The following VAV3 variants were observed in gnomAD, a reference collection of about 807,000 sequenced individuals.
The protein encoded by VAV3 is guanine nucleotide exchange factor VAV3.
In VAV3, 94 loss-of-function variants were observed where a neutral mutation model predicts 131.2. The observed-to-expected ratio is 0.72, with a 90% CI of 0.61 to 0.85. The LOEUF is 0.85. Ranked by LOEUF, VAV3 falls within the 40% of genes least tolerant of loss-of-function variation. VAV3 has a pLI of 0.00. For synonymous variants in VAV3, 349 were observed against 342.0 expected (o/e 1.02, Z -0.22); for missense variants, 939 against 1,002.7 (o/e 0.94, Z 0.86).
intron 2 of VAV3, among the ~76,000 whole-genome samples, chr1:107,797,048 C>T (rs1315799991): frequency 6.6e-6 from 1 of 152,036 alleles, no homozygotes; most frequent in African/African-American, 2.4e-5. Context: ...CAAATTACTA[C>T]AATATGTAAG....
chr1:107,649,713 T>C (rs1656015082), intron 19 of VAV3, among the ~76,000 whole-genome samples: 1 of 152,126 alleles, frequency 6.6e-6, no homozygotes, highest in African/African-American at 2.4e-5. Context: ...GTAAAAATGA[T>C]TAAGGGCACT....
intron 2 of VAV3, among the ~76,000 whole-genome samples, chr1:107,798,230 C>T (rs1485252724): frequency 6.6e-6 from 1 of 152,108 alleles, no homozygotes; most frequent in African/African-American, 2.4e-5. Flanking sequence ...CTAATTTCAA[C>T]ATCCAAAAGC....
chr1:107,651,531 A>G (rs1656166829), intron 19 of VAV3, among the ~76,000 whole-genome samples: 1 of 145,198 alleles, frequency 6.9e-6, no homozygotes, highest in Non-Finnish European at 1.5e-5. Context: ...GAAGGAAGAA[A>G]CAAAGTAAGG....
chr1:107,793,686 A>G (rs1158707603), intron 2 of VAV3, among the ~76,000 whole-genome samples: 1 of 152,202 alleles, frequency 6.6e-6, no homozygotes, highest in Non-Finnish European at 1.5e-5. Flanking sequence ...CACCAGGCTA[A>G]GGGGTCTAGA....
At chr1:107,616,288 C>T (rs528584435) in intron 21 of VAV3, among the ~76,000 whole-genome samples, 75 of 152,206 alleles carry the variant, frequency 4.9e-4, no homozygotes, top group African/African-American at 1.8e-3. Context: ...CCCTTTGCAG[C>T]AGCATGGGTG....
In VAV3 at chr1:107,749,468, G is replaced by T. The variant is rs762553183; in HGVS notation, c.1386C>A (p.Asn462Lys). 3 of 1,584,406 alleles carry T rather than the reference G, an allele frequency of 1.9e-6. No homozygotes were observed. In the Admixed American group the frequency reaches 6.0e-5, roughly 32 times the overall value. The change falls in exon 14 of 27, where the codon AAC becomes AAA. Residue 462 changes from asparagine (N) to lysine (K), a missense_variant. Physicochemically the swap from Asn to Lys is moderately conservative, Grantham distance 94. Transcript: ENST00000370056. ...IANNPTTDKE[N>K]KKWSYGFYLI... is the part of the protein sequence containing the mutation. ...TTAGTTTCCAAAAAGTCACCTTTTT[G>T]TTTTCTTTATCGGTTGTAGGATTAT...
chr1:107,943,614 C>T (rs1162764310), intron 1 of VAV3, among the ~76,000 whole-genome samples: 2 of 152,154 alleles, frequency 1.3e-5, no homozygotes, highest in Non-Finnish European at 2.9e-5. Context: ...TGGTGGCACA[C>T]ACCTGTAGTC....
intron 1 of VAV3, among the ~76,000 whole-genome samples, chr1:107,946,488 T>C (rs542025174): frequency 7.2e-4 from 110 of 152,330 alleles, no homozygotes; most frequent in Non-Finnish European, 1.3e-3. Context: ...CTCTGCACAC[T>C]ATCTGGCAAT....
At chr1:107,857,913 A>G (rs1669545006) in intron 2 of VAV3, among the ~76,000 whole-genome samples, 1 of 152,220 alleles carries the variant, frequency 6.6e-6, no homozygotes, top group South Asian at 2.1e-4. Flanking sequence ...TTTTCATTAA[A>G]AAGAGGATAC....
At chr1:107,638,107 T>C (rs1455856341) in intron 20 of VAV3, among the ~76,000 whole-genome samples, 2 of 152,148 alleles carry the variant, frequency 1.3e-5, no homozygotes, top group Non-Finnish European at 2.9e-5. Flanking sequence ...ATGTCATACT[T>C]AATGGTAAGA....
intron 1 of VAV3, among the ~76,000 whole-genome samples, chr1:107,923,344 C>T (rs1178065152): frequency 1.3e-5 from 2 of 152,056 alleles, no homozygotes; most frequent in Non-Finnish European, 2.9e-5. Context: ...ACCCTAAATT[C>T]ATAAGTTGAA....
Position 107,705,022 on chromosome 1 carries a change from G to A in VAV3, c.1542C>T (p.His514=), listed in dbSNP as rs144236071. The A allele has an allele frequency of 2.4e-5, 38 of 1,613,750 alleles. No individual in the cohort carries two copies. Among genetic ancestry groups the A allele is most frequent in the South Asian group, 5.5e-5 (5 of 91,024 alleles). The change falls in exon 16 of 27, where the codon CAC becomes CAT. Residue 514 remains histidine (H), a synonymous_variant. Coordinates refer to ENST00000370056, the MANE Select transcript of VAV3 (RefSeq NM_006113.5). The part of the protein sequence containing the change: ...IRPDYADSNF[H]DFKMHTFTRV... ...GAGTGAAGGTATGCATCTTGAAGTC[G>A]TGGAAATTGGAGTCTGCATAGTCTG...
At chr1:107,843,975 T>A (rs1190048709) in intron 2 of VAV3, among the ~76,000 whole-genome samples, 2 of 152,104 alleles carry the variant, frequency 1.3e-5, no homozygotes, top group African/African-American at 4.8e-5. Context: ...GACATAACTT[T>A]AACTAACCTA....
intron 21 of VAV3, among the ~76,000 whole-genome samples, chr1:107,612,300 A>G (rs1405528836): frequency 6.6e-6 from 1 of 151,968 alleles, no homozygotes; most frequent in Non-Finnish European, 1.5e-5. Context: ...GTTTGAATAA[A>G]CTATCACGAT....
intron 1 of VAV3, among the ~76,000 whole-genome samples, chr1:107,898,593 C>T (rs2101081158): frequency 6.6e-6 from 1 of 152,140 alleles, no homozygotes; most frequent in African/African-American, 2.4e-5. Flanking sequence ...CTCTAGGGTC[C>T]CTGCAGGGTA....
intron 15 of VAV3, among the ~76,000 whole-genome samples, chr1:107,738,153 A>G (rs1356592282): frequency 6.6e-6 from 1 of 152,160 alleles, no homozygotes; most frequent in Non-Finnish European, 1.5e-5. Context: ...GGAATTGAAC[A>G]ATGAGAACAC....
At chr1:107,625,698 A>G (rs572962173) in intron 20 of VAV3, among the ~76,000 whole-genome samples, 2 of 152,218 alleles carry the variant, frequency 1.3e-5, no homozygotes, top group South Asian at 4.1e-4. Context: ...AATTGCATTC[A>G]TTGATTCATT....
At chr1:107,894,649 T>C in intron 1 of VAV3, among the ~76,000 whole-genome samples, 1 of 152,222 alleles carries the variant, frequency 6.6e-6, no homozygotes, top group East Asian at 1.9e-4. Flanking sequence ...AATGCTTTCC[T>C]AATAATTCTT....
At chr1:107,668,877 A>G in intron 19 of VAV3, 1 of 985,592 alleles carries the variant, frequency 1.0e-6, no homozygotes, top group Non-Finnish European at 1.2e-6. Context: ...TCTAGCTGGC[A>G]GTATCTTATT....
Sources: allele counts gnomAD v4.1 joint callset (sites outside exome capture counted in the v4.1 genomes callset), GRCh38; gene constraint gnomAD v4.1.1; transcripts MANE v1.5; gene names NCBI Gene and HGNC (gene_info 2026-07-23, HGNC 2026-07-21).